Variants in TMPRSS3 observed in about 807,000 individuals in gnomAD.
TMPRSS3 encodes transmembrane serine protease 3.
Under a neutral mutation model 59.6 loss-of-function variants are expected in TMPRSS3, and 55 were observed. That is an observed-to-expected ratio of 0.92 (90% confidence interval 0.74 to 1.16). TMPRSS3 has a LOEUF of 1.16. TMPRSS3 is among the 50% of genes most tolerant of loss of function. The pLI, the probability that TMPRSS3 is intolerant of heterozygous loss-of-function variation, is 0.00. For synonymous variants in TMPRSS3, 257 were observed against 237.7 expected (o/e 1.08, Z -0.75); for missense variants, 596 against 579.4 (o/e 1.03, Z -0.29).
chr21:42,390,805 C>T (rs1370131112), intron 2 of TMPRSS3, among the ~76,000 whole-genome samples: 1 of 152,166 alleles, frequency 6.6e-6, no homozygotes, highest in African/African-American at 2.4e-5. Context: ...GGAGGAGACA[C>T]AGGCAGAAGC....
At chr21:42,383,379 G>C in intron 7 of TMPRSS3, 181 bp from the exon 8 acceptor site, 1 of 671,706 alleles carries the variant, frequency 1.5e-6, no homozygotes, top group Non-Finnish European at 2.6e-6. Context: ...CAGGCTCTTG[G>C]GGAGACCTGA....
At position 42,389,051 on chromosome 21, in the gene TMPRSS3, A is replaced by T; in HGVS notation, c.206-6T>A. The T allele has an allele frequency of 6.2e-7, 1 of 1,613,874 alleles. No homozygotes were observed. Among genetic ancestry groups the T allele is most frequent in the Non-Finnish European group, 8.5e-7 (1 of 1,179,910 alleles). On this transcript the variant is annotated splice_region_variant and splice_polypyrimidine_tract_variant and intron_variant, in intron 3 of 12. Coordinates refer to ENST00000644384, the MANE Select transcript of TMPRSS3 (RefSeq NM_001256317.3). ...CCCTGAGCAGTCGAAGTGGACTGGG[A>T]AAAGGGAGGAAGGCAGGAATTAACC...
chr21:42,393,253 G>GA (rs11306720), intron 2 of TMPRSS3, among the ~76,000 whole-genome samples: 6 of 150,178 alleles, frequency 4.0e-5, no homozygotes, highest in South Asian at 2.1e-4. Flanking sequence ...TCAAGAAAAA[G>GA]AAAAAAAAAA....
intron 8 of TMPRSS3, 130 bp from the exon 9 acceptor site, chr21:42,382,364 G>T (rs771296819): frequency 1.9e-5 from 15 of 802,880 alleles, no homozygotes; most frequent in Non-Finnish European, 2.9e-5. Context: ...CCATCACCCT[G>T]CTTGTTTATG....
intron 12 of TMPRSS3, 119 bp downstream of exon 12, chr21:42,375,597 G>A: frequency 7.6e-7 from 1 of 1,320,982 alleles, no homozygotes; most frequent in Non-Finnish European, 1.1e-6. Flanking sequence ...AGTCACTGCT[G>A]CTGAATTGAC....
intron 3 of TMPRSS3, 75 bp from the exon 4 acceptor site, chr21:42,389,120 A>T: frequency 1.2e-6 from 2 of 1,602,062 alleles, no homozygotes; most frequent in East Asian, 4.5e-5. Flanking sequence ...TCCCCCTGCC[A>T]CACAGTGCGG....
chr21:42,375,463 T>A (rs1172142881), intron 12 of TMPRSS3, among the ~76,000 whole-genome samples: 1 of 151,204 alleles, frequency 6.6e-6, no homozygotes, highest in Non-Finnish European at 1.5e-5. Flanking sequence ...TCCCATGTCG[T>A]GAGGCTCCTT....
At chr21:42,386,102 C>T (rs894249494) in intron 5 of TMPRSS3, among the ~76,000 whole-genome samples, 4 of 152,172 alleles carry the variant, frequency 2.6e-5, no homozygotes, top group African/African-American at 7.2e-5. Flanking sequence ...TGCCAGGACA[C>T]AGGTCTTCTG....
Position 42,389,956 on chromosome 21 carries a change from A to G in TMPRSS3, c.176T>C (p.Leu59Ser). Residue 59 changes from leucine to serine, a missense_variant, in exon 3 of 13, where the codon TTG becomes TCG. Leu to Ser is a moderately radical substitution (Grantham distance 145, BLOSUM62 -2). Coordinates refer to ENST00000644384, the MANE Select transcript of TMPRSS3 (RefSeq NM_001256317.3). Reference sequence around the variant, plus strand: ...CAGACCAATGGCCAGTGCTAATATCAATGCAATGATCCCAATGACGATGAT... The same window carrying G: ...CAGACCAATGGCCAGTGCTAATATCGATGCAATGATCCCAATGACGATGAT... The part of the protein sequence containing the change: ...FPIIVIGIIA[L>S]ILALAIGLGI... 1.2e-6 allele frequency: 2 copies of G among 1,613,952 alleles called. No individual in the cohort carries two copies. The highest frequency in any genetic ancestry group is 2.7e-5 in the African/African-American group (2 of 75,050).
At position 42,383,218 on chromosome 21, in the gene TMPRSS3, C is replaced by A; in HGVS notation, c.617-20G>T. The A allele has an allele frequency of 1.2e-6, 2 of 1,613,820 alleles. No individual in the cohort carries two copies. The highest frequency in any genetic ancestry group is 8.5e-7 in the Non-Finnish European group (1 of 1,179,916). Reference sequence around the variant, plus strand: ...CACAGGCTATGGAGGGGAACAAAGGCTTGTGGGTCCACCCTGCAGACTTCT... The same window carrying A: ...CACAGGCTATGGAGGGGAACAAAGGATTGTGGGTCCACCCTGCAGACTTCT... On this transcript the variant is annotated intron_variant, in intron 7 of 12. Transcript: ENST00000644384.
intron 5 of TMPRSS3, among the ~76,000 whole-genome samples, chr21:42,387,371 A>AGTGTGTGTGTGTGT (rs59669731): frequency 0.054 from 7,926 of 147,130 alleles, 419 homozygotes; most frequent in African/African-American, 0.12. Context: ...AGCTGTGTGC[A>AGTGTGTGTGTGTGT]GTGTGTGTGT....
intron 7 of TMPRSS3, chr21:42,383,497 C>T (rs1274260032): frequency 1.8e-6 from 1 of 546,616 alleles, no homozygotes; most frequent in Non-Finnish European, 3.3e-6. Flanking sequence ...GTGATGACAA[C>T]ACCCTGGGAT....
Position 42,380,224 on chromosome 21 carries a change from G to A in TMPRSS3, c.953-12C>T, listed in dbSNP as rs1278174527. On this transcript the variant is annotated splice_polypyrimidine_tract_variant and intron_variant, in intron 9 of 12. Transcript: ENST00000644384. The stretch of plus-strand genomic sequence containing the variant: ...AGGCTGGATCATTTCTGCTTGAAGG[G>A]AAACAATAGTTCACAACTCAATTGA... The A allele has an allele frequency of 1.9e-6, 3 of 1,605,716 alleles. No homozygotes were observed. The African/African-American group carries it at 4.0e-5, about 21-fold the overall frequency.
intron 10 of TMPRSS3, among the ~76,000 whole-genome samples, chr21:42,376,966 G>A (rs1346135579): frequency 6.6e-6 from 1 of 152,188 alleles, no homozygotes; most frequent in Non-Finnish European, 1.5e-5. Flanking sequence ...AAGAGGAGGA[G>A]GAGTAGGGGC....
At chr21:42,392,853 A>G (rs1460729624) in intron 2 of TMPRSS3, among the ~76,000 whole-genome samples, 3 of 152,250 alleles carry the variant, frequency 2.0e-5, no homozygotes, top group African/African-American at 7.2e-5. Flanking sequence ...TTGACATTTA[A>G]TCGAAAGGCT....
At chr21:42,383,662 C>T (rs1431067824) in intron 7 of TMPRSS3, 7 of 607,242 alleles carry the variant, frequency 1.2e-5, no homozygotes, top group African/African-American at 3.6e-5. Context: ...GCACTGTGCA[C>T]GTGTAAGGAG....
chr21:42,395,266 G>T, intron 2 of TMPRSS3, 58 bp downstream of exon 2: 3 of 1,422,436 alleles, frequency 2.1e-6, no homozygotes, highest in South Asian at 1.2e-5. Flanking sequence ...CAGTCACATT[G>T]GTCACCTACA....
At chr21:42,375,419 C>T (rs2052407851) in intron 12 of TMPRSS3, among the ~76,000 whole-genome samples, 1 of 151,606 alleles carries the variant, frequency 6.6e-6, no homozygotes, top group African/African-American at 2.4e-5. Context: ...CCATCCCCAT[C>T]CCAGCAGGGG....
rs559145479 is a variant in TMPRSS3 at position 42,383,209 on chromosome 21, G to A, written c.617-11C>T. ...TTCTATGACCACAGGCTATGGAGGG[G>A]AACAAAGGCTTGTGGGTCCACCCTG... On this transcript the variant is annotated splice_polypyrimidine_tract_variant and intron_variant, in intron 7 of 12. Coordinates refer to ENST00000644384, the MANE Select transcript of TMPRSS3 (RefSeq NM_001256317.3). 2 of 1,614,034 alleles carry A rather than the reference G, an allele frequency of 1.2e-6. No individual in the cohort carries two copies. Among genetic ancestry groups the A allele is most frequent in the African/African-American group, 1.3e-5 (1 of 75,056 alleles).
Sources: gnomAD v4.1 joint callset for allele counts (sites outside exome capture counted in the v4.1 genomes callset) on GRCh38, gnomAD v4.1.1 for gene constraint, MANE v1.5 for transcripts, NCBI Gene and HGNC (gene_info 2026-07-23, HGNC 2026-07-21) for gene names.